The following SIPA1L3 variants were observed in gnomAD, a reference collection of about 807,000 sequenced individuals.
The protein encoded by SIPA1L3 is signal-induced proliferation-associated 1-like protein 3.
In SIPA1L3, 59 loss-of-function variants were observed where a neutral mutation model predicts 150.1. That is an observed-to-expected ratio of 0.39 (90% CI 0.32 to 0.49). The LOEUF is 0.49. SIPA1L3 is among the 20% of genes least tolerant of loss of function. SIPA1L3 has a pLI of 0.86. For missense variants in SIPA1L3, 2,211 were observed against 2,489.5 expected (o/e 0.89, Z 2.38); for synonymous variants, 1,070 against 1,077.6 (o/e 0.99, Z 0.14).
intron 1 of SIPA1L3, among the ~76,000 whole-genome samples, chr19:37,980,481 A>G (rs1967175600): frequency 6.6e-6 from 1 of 152,120 alleles, no homozygotes; most frequent in Non-Finnish European, 1.5e-5. Flanking sequence ...CAAAAAAGAA[A>G]GGTGTATCTT....
intron 2 of SIPA1L3, among the ~76,000 whole-genome samples, chr19:38,061,424 T>C (rs1969443902): frequency 6.6e-6 from 1 of 151,466 alleles, no homozygotes; most frequent in Non-Finnish European, 1.5e-5. Context: ...CTTCCCTCCC[T>C]CCCTGCAGAT....
rs1173302742 is a variant in SIPA1L3 at position 38,110,372 on chromosome 19, A to C, written c.2279A>C (p.Asn760Thr). 1 of 1,613,558 alleles carries C rather than the reference A, an allele frequency of 6.2e-7. No individual in the cohort carries two copies. The highest frequency in any genetic ancestry group is 1.1e-5 in the South Asian group (1 of 91,010). Residue 760 changes from asparagine to threonine, a missense_variant, in exon 8 of 22, where the codon AAC becomes ACC. Asn to Thr is a moderately conservative substitution (Grantham distance 65). Coordinates refer to ENST00000222345, the MANE Select transcript of SIPA1L3 (RefSeq NM_015073.3). Reference protein sequence around the residue: ...IVRVHNPCTDNVCYSMAVTRS... With the variant: ...IVRVHNPCTDTVCYSMAVTRS... ...CGAGTCCACAACCCCTGCACTGATA[A>C]CGTCTGTTACAGGTATGCCCCCCAC...
intron 18 of SIPA1L3, among the ~76,000 whole-genome samples, chr19:38,197,388 C>T (rs1290264840): frequency 5.9e-5 from 9 of 152,068 alleles, no homozygotes; most frequent in Admixed American, 1.3e-4. Flanking sequence ...GCAGCAGGTG[C>T]GAGTGCAGTG....
chr19:37,983,905 C>CA (rs397859822), intron 1 of SIPA1L3, among the ~76,000 whole-genome samples: 910 of 75,588 alleles, frequency 0.012, 9 homozygotes, highest in African/African-American at 0.021. Flanking sequence ...GACCCCATCT[C>CA]AAAAAAAAAA....
intron 2 of SIPA1L3, among the ~76,000 whole-genome samples, chr19:38,067,104 T>A (rs1599992569): frequency 6.6e-6 from 1 of 152,018 alleles, no homozygotes; most frequent in Middle Eastern, 3.4e-3. Context: ...CCAGGTGTGC[T>A]GGCACACCCC....
At chr19:38,000,550 G>A (rs1376410666) in intron 1 of SIPA1L3, among the ~76,000 whole-genome samples, 1 of 150,846 alleles carries the variant, frequency 6.6e-6, no homozygotes, top group Non-Finnish European at 1.5e-5. Flanking sequence ...TTAGAGGAGA[G>A]GAAGAGGGAA....
chr19:38,142,348 G>C (rs1321262402), intron 11 of SIPA1L3, among the ~76,000 whole-genome samples: 1 of 152,206 alleles, frequency 6.6e-6, no homozygotes, highest in Non-Finnish European at 1.5e-5. Context: ...GTGGATCCGG[G>C]AAGAGGGGGC....
intron 1 of SIPA1L3, among the ~76,000 whole-genome samples, chr19:37,949,815 A>T (rs1240115713): frequency 1.3e-5 from 2 of 152,188 alleles, no homozygotes; most frequent in Admixed American, 1.3e-4. Context: ...GCAGTGGCTC[A>T]CGCCTTTAAT....
intron 1 of SIPA1L3, among the ~76,000 whole-genome samples, chr19:37,972,179 G>GTGTT (rs1966958922): frequency 6.6e-6 from 1 of 151,416 alleles, no homozygotes; most frequent in South Asian, 2.1e-4. Flanking sequence ...GTGTGTGTGT[G>GTGTT]TGTGTGTGTG....
intron 1 of SIPA1L3, among the ~76,000 whole-genome samples, chr19:37,965,875 G>T (rs2046899900): frequency 6.6e-6 from 1 of 152,132 alleles, no homozygotes; most frequent in African/African-American, 2.4e-5. Flanking sequence ...CCAGCGTTCT[G>T]TGTTTGGGCA....
At chr19:38,105,378 A>AG (rs936833264) in intron 6 of SIPA1L3, among the ~76,000 whole-genome samples, 1 of 151,568 alleles carries the variant, frequency 6.6e-6, no homozygotes, top group African/African-American at 2.4e-5. Context: ...AAAAAAAAAA[A>AG]GAACAGATCT....
At chr19:37,957,209 A>T (rs1047245813) in intron 1 of SIPA1L3, among the ~76,000 whole-genome samples, 3 of 152,216 alleles carry the variant, frequency 2.0e-5, no homozygotes, top group Non-Finnish European at 4.4e-5. Flanking sequence ...GAAATCGGGA[A>T]GTGTTAAGTC....
chr19:37,983,939 C>G (rs1423816154), intron 1 of SIPA1L3, among the ~76,000 whole-genome samples: 1 of 150,904 alleles, frequency 6.6e-6, no homozygotes, highest in Non-Finnish European at 1.5e-5. Context: ...TTGCTCAGCA[C>G]TGATGAGGAA....
chr19:38,193,393 G>A (rs1186269924), intron 17 of SIPA1L3, 144 bp from the exon 18 acceptor site: 5 of 938,784 alleles, frequency 5.3e-6, no homozygotes, highest in East Asian at 3.3e-5. Context: ...AAGGGAGGGA[G>A]GGAGGAAGGA....
intron 1 of SIPA1L3, among the ~76,000 whole-genome samples, chr19:37,998,851 A>T (rs1468259811): frequency 1.3e-5 from 2 of 152,124 alleles, no homozygotes; most frequent in African/African-American, 2.4e-5. Context: ...AGAAATAAAG[A>T]ATAGATGAAG....
intron 8 of SIPA1L3, among the ~76,000 whole-genome samples, chr19:38,112,161 A>G (rs890619956): frequency 6.7e-6 from 1 of 149,936 alleles, no homozygotes; most frequent in African/African-American, 2.5e-5. Flanking sequence ...ACATGCATCC[A>G]CACACATGCA....
intron 1 of SIPA1L3, among the ~76,000 whole-genome samples, chr19:38,011,691 T>C (rs1352446734): frequency 6.6e-6 from 1 of 151,996 alleles, no homozygotes; most frequent in East Asian, 1.9e-4. Flanking sequence ...TGGGGGAAGA[T>C]GATGAGGCCC....
chr19:38,070,973 G>A (rs986627065), intron 2 of SIPA1L3, among the ~76,000 whole-genome samples: 1 of 152,278 alleles, frequency 6.6e-6, no homozygotes, highest in African/African-American at 2.4e-5. Flanking sequence ...CACCCAGGGG[G>A]TCCCTCTACC....
intron 1 of SIPA1L3, among the ~76,000 whole-genome samples, chr19:38,008,202 A>T (rs1823922638): frequency 6.7e-6 from 1 of 148,704 alleles, no homozygotes; most frequent in African/African-American, 2.5e-5. Flanking sequence ...AGAGGTGAGA[A>T]ATCACCATAG....
Sources: allele counts gnomAD v4.1 joint callset (sites outside exome capture counted in the v4.1 genomes callset), GRCh38; gene constraint gnomAD v4.1.1; transcripts MANE v1.5; gene names NCBI Gene and HGNC (gene_info 2026-07-23, HGNC 2026-07-21).